The following SOHLH2 variants were observed in gnomAD, a reference collection of about 807,000 sequenced individuals.
SOHLH2 encodes the protein spermatogenesis and oogenesis specific basic helix-loop-helix 2, also known as spermatogenesis- and oogenesis-specific basic helix-loop-helix-containing protein 2.
A neutral mutation model predicts 50.4 loss-of-function variants in SOHLH2; 22 were observed. The observed-to-expected ratio is 0.44, with a 90% confidence interval of 0.31 to 0.62. The LOEUF is 0.62. Among genes scored for constraint, SOHLH2 ranks in the 20% least tolerant of loss-of-function variants. The pLI is 0.08. For synonymous variants in SOHLH2, 185 were observed against 187.3 expected (o/e 0.99, Z 0.10); for missense variants, 412 against 504.4 (o/e 0.82, Z 1.76).
intron 6 of SOHLH2, among the ~76,000 whole-genome samples, chr13:36,183,968 T>C (rs528103801): frequency 8.6e-4 from 131 of 152,190 alleles, no homozygotes; most frequent in South Asian, 1.7e-3. Flanking sequence ...AAAAAATCAG[T>C]AAGGGAGCAG....
intron 6 of SOHLH2, among the ~76,000 whole-genome samples, chr13:36,179,223 A>G (rs963853890): frequency 6.6e-6 from 1 of 152,230 alleles, no homozygotes; most frequent in Admixed American, 6.5e-5. Context: ...ATCACTAAGT[A>G]CAATGTTAGT....
rs376868741 is a variant in SOHLH2, at chr13:36,190,011, C to G, written c.576G>C (p.Ser192=). The G allele has an allele frequency of 6.2e-7, 1 of 1,606,168 alleles. No individual in the cohort carries two copies. Among genetic ancestry groups the G allele is most frequent in the African/African-American group, 1.3e-5 (1 of 74,746 alleles). ...TTTTGTTTTTCTCGAACTCTGACAACGAAGCATTTAATTCAAGCCCATTGC... is the reference window on the plus strand; with the variant it reads ...TTTTGTTTTTCTCGAACTCTGACAAGGAAGCATTTAATTCAAGCCCATTGC... The part of the protein sequence containing the change: ...RNGNGLELNA[S]LSEFEKNKKI... The change falls in exon 6 of 11, where the codon TCG becomes TCC. Residue 192 remains serine (S), a synonymous_variant. Coordinates refer to ENST00000379881, the MANE Select transcript of SOHLH2 (RefSeq NM_017826.3).
At chr13:36,205,887 T>C (rs1240437717) in intron 1 of SOHLH2, among the ~76,000 whole-genome samples, 1 of 152,040 alleles carries the variant, frequency 6.6e-6, no homozygotes, top group African/African-American at 2.4e-5. Flanking sequence ...TATTGATTAA[T>C]GGTAAATTGA....
intron 9 of SOHLH2, 37 bp from the exon 10 acceptor site, chr13:36,170,824 C>G: frequency 6.3e-6 from 10 of 1,594,456 alleles, no homozygotes; most frequent in Non-Finnish European, 8.6e-6. Context: ...GGTCAGTATC[C>G]ACAATTCTGT....
At chr13:36,188,950 T>C (rs115245003) in intron 6 of SOHLH2, among the ~76,000 whole-genome samples, 32 of 152,300 alleles carry the variant, frequency 2.1e-4, no homozygotes, top group African/African-American at 7.5e-4. Flanking sequence ...CCAAGAGGTA[T>C]TCAAACCTAG....
chr13:36,170,504 C>T, intron 10 of SOHLH2, 27 bp downstream of exon 10: 1 of 1,607,340 alleles, frequency 6.2e-7, no homozygotes, highest in African/African-American at 1.3e-5. Context: ...AGGGTCCAAT[C>T]TGATCCATGG....
At chr13:36,176,175 A>C (rs1196772521) in intron 6 of SOHLH2, among the ~76,000 whole-genome samples, 65 of 152,154 alleles carry the variant, frequency 4.3e-4, no homozygotes, top group Non-Finnish European at 1.5e-5. Context: ...CCACTAAACA[A>C]AGTAGAAGTG....
intron 1 of SOHLH2, among the ~76,000 whole-genome samples, chr13:36,203,119 C>A (rs1373229889): frequency 6.6e-6 from 1 of 152,152 alleles, no homozygotes; most frequent in Non-Finnish European, 1.5e-5. Context: ...TCTCTCATAT[C>A]CTAATTCAAT....
At chr13:36,197,893 G>A (rs1001945094) in intron 2 of SOHLH2, among the ~76,000 whole-genome samples, 4 of 152,084 alleles carry the variant, frequency 2.6e-5, no homozygotes, top group Non-Finnish European at 5.9e-5. Context: ...CCACCAATTC[G>A]TAGGACAAAG....
intron 6 of SOHLH2, among the ~76,000 whole-genome samples, chr13:36,184,786 T>C (rs1887367480): frequency 6.6e-6 from 1 of 152,184 alleles, no homozygotes; most frequent in Non-Finnish European, 1.5e-5. Flanking sequence ...AGTTCTGGGA[T>C]ACATGTGCAG....
At chr13:36,205,900 T>C (rs1215245061) in intron 1 of SOHLH2, among the ~76,000 whole-genome samples, 1 of 152,040 alleles carries the variant, frequency 6.6e-6, no homozygotes, top group Non-Finnish European at 1.5e-5. Context: ...TAAATTGAAG[T>C]TTCTCACCTT....
Position 36,174,472 on chromosome 13 carries a change from A to T in SOHLH2, c.881+4T>A. ...CTTCAGATTCGCAAAAGCCCTTATC[A>T]TACCGCTGTGCCATGACAGTGCCTG... On this transcript the variant is annotated splice_donor_region_variant and intron_variant, in intron 8 of 10. Coordinates refer to ENST00000379881, the MANE Select transcript of SOHLH2 (RefSeq NM_017826.3). 6.2e-7 allele frequency: 1 copy of T among 1,612,360 alleles called. No homozygotes were observed. The highest frequency in any genetic ancestry group is 2.2e-5 in the East Asian group (1 of 44,872).
chr13:36,202,169 G>C (rs1191244315), intron 1 of SOHLH2, 76 bp from the exon 2 acceptor site: 4 of 1,538,620 alleles, frequency 2.6e-6, no homozygotes, highest in Non-Finnish European at 3.5e-6. Flanking sequence ...GAGAGGATAA[G>C]ATAAATAAAG....
Position 36,202,055 on chromosome 13 carries a change from C to G in SOHLH2, c.87G>C (p.Val29=), listed in dbSNP as rs778067562. ...TCTGTACAGTATCAGCCAGGTAGCC[C>G]ACAGTGACATCTCCAACTAATAAGA... The part of the protein sequence containing the change: ...IDILLVGDVT[V]GYLADTVQKL... The change falls in exon 2 of 11, where the codon GTG becomes GTC. Residue 29 remains valine, a synonymous_variant. Transcript: ENST00000379881. 1 of 1,614,180 alleles carries G rather than the reference C, an allele frequency of 6.2e-7. No individual in the cohort carries two copies. Among genetic ancestry groups the G allele is most frequent in the Non-Finnish European group, 8.5e-7 (1 of 1,180,030 alleles).
intron 2 of SOHLH2, among the ~76,000 whole-genome samples, chr13:36,195,334 A>G (rs1225683066): frequency 6.6e-6 from 1 of 152,154 alleles, no homozygotes; most frequent in Non-Finnish European, 1.5e-5. Context: ...CAAAAGGCAC[A>G]GCATATGCAG....
At position 36,170,663 on chromosome 13, in the gene SOHLH2, G is replaced by A. The variant is rs2296967; in HGVS notation, c.1125C>T (p.Tyr375=). Residue 375 remains tyrosine (Y), a synonymous_variant, in exon 10 of 11, where the codon TAC becomes TAT. Transcript: ENST00000379881. The part of the protein sequence containing the change: ...VRYYSKVTPS[Y]DATAVTNQNI... ...TCTGATTTGTTACAGCAGTTGCATC[G>A]TAGGAAGGGGTGACTTTAGAATAAT... 0.11 allele frequency: 176,629 copies of A among 1,614,114 alleles called. 10,364 individuals carry two copies. The highest frequency in any genetic ancestry group is 0.15 in the Middle Eastern group (886 of 6,062).
At chr13:36,183,167 G>A (rs12429866) in intron 6 of SOHLH2, 1 of 387,522 alleles carries the variant, frequency 2.6e-6, no homozygotes, top group South Asian at 1.9e-5. Context: ...GGGCTCACCA[G>A]AAACAGAAGC....
At chr13:36,173,042 A>G (rs1292474398) in intron 9 of SOHLH2, among the ~76,000 whole-genome samples, 1 of 152,200 alleles carries the variant, frequency 6.6e-6, no homozygotes, top group Non-Finnish European at 1.5e-5. Flanking sequence ...TACGGCACAT[A>G]TAACAAAAAT....
intron 1 of SOHLH2, among the ~76,000 whole-genome samples, chr13:36,205,207 C>G (rs1451786230): frequency 3.3e-5 from 5 of 152,150 alleles, no homozygotes; most frequent in Admixed American, 2.0e-4. Context: ...GGCAATCCTA[C>G]CGCCTTCAAA....
Sources: gnomAD v4.1 joint callset for allele counts (sites outside exome capture counted in the v4.1 genomes callset) on GRCh38, gnomAD v4.1.1 for gene constraint, MANE v1.5 for transcripts, NCBI Gene and HGNC (gene_info 2026-07-23, HGNC 2026-07-21) for gene names.